The following PARD3B variants were observed in gnomAD, a reference collection of about 807,000 sequenced individuals.
The protein encoded by PARD3B is partitioning defective 3 homolog B.
PARD3B carries 103 observed loss-of-function variants against 130.2 expected under a neutral mutation model. That is an observed-to-expected ratio of 0.79 (90% CI 0.67 to 0.93). PARD3B has a LOEUF of 0.93. Ranked by LOEUF, PARD3B falls within the 40% of genes least tolerant of loss-of-function variation. PARD3B has a pLI of 0.00. For synonymous variants in PARD3B, 583 were observed against 553.2 expected (o/e 1.05, Z -0.76); for missense variants, 1,609 against 1,499.2 (o/e 1.07, Z -1.21).
At chr2:205,016,478 A>G (rs967519969) in intron 3 of PARD3B, among the ~76,000 whole-genome samples, 1 of 152,192 alleles carries the variant, frequency 6.6e-6, no homozygotes, top group African/African-American at 2.4e-5. Context: ...CTTTGGACAC[A>G]TTCATGGCTT....
intron 18 of PARD3B, among the ~76,000 whole-genome samples, chr2:205,400,420 C>T (rs2046207100): frequency 6.6e-6 from 1 of 152,072 alleles, no homozygotes; most frequent in Non-Finnish European, 1.5e-5. Context: ...GTGGGCAGAT[C>T]ACTTGGGGCC....
intron 10 of PARD3B, among the ~76,000 whole-genome samples, chr2:205,136,820 A>AAGGTATCAACCT (rs1559474930): frequency 2.0e-5 from 3 of 152,202 alleles, no homozygotes; most frequent in Non-Finnish European, 2.9e-5. Context: ...GTTCAGAAGA[A>AAGGTATCAACCT]TTGCCATCTT....
At chr2:204,870,961 CATA>C (rs1254005062) in intron 2 of PARD3B, among the ~76,000 whole-genome samples, 1 of 152,048 alleles carries the variant, frequency 6.6e-6, no homozygotes, top group Admixed American at 6.6e-5. Context: ...ATTTTTAAAA[CATA>C]ATAAAAGATT....
intron 19 of PARD3B, among the ~76,000 whole-genome samples, chr2:205,410,138 G>T (rs2046548302): frequency 6.6e-6 from 1 of 152,128 alleles, no homozygotes; most frequent in Non-Finnish European, 1.5e-5. Context: ...TTTGCATTAT[G>T]TTTACCAGTT....
Position 205,301,609 on chromosome 2 carries a change from G to A in PARD3B, c.2538G>A (p.Lys846=). 6.2e-7 allele frequency: 1 copy of A among 1,613,664 alleles called. No individual in the cohort carries two copies. Among genetic ancestry groups the A allele is most frequent in the Non-Finnish European group, 8.5e-7 (1 of 1,179,764 alleles). The change falls in exon 18 of 23, where the codon AAG becomes AAA. Residue 846 remains lysine (K), a synonymous_variant. Transcript: ENST00000406610. The surrounding 1 kb of genome is among the most constrained non-coding windows in gnomAD (Gnocchi z 5.2). ...AAGAGAAGGAGAAGAAAAAGGAAAA[G>A]GGCAAATTGAAAGTCAAGGAGAAAA... The part of the protein sequence containing the change: ...KTKEKEKKKE[K]GKLKVKEKKR...
At chr2:205,415,014 T>G (rs2046727384) in intron 19 of PARD3B, among the ~76,000 whole-genome samples, 1 of 152,130 alleles carries the variant, frequency 6.6e-6, no homozygotes, top group Non-Finnish European at 1.5e-5. Flanking sequence ...ATAGTGGATG[T>G]AATAAGAAAG....
intron 18 of PARD3B, among the ~76,000 whole-genome samples, chr2:205,333,643 G>C (rs1367738374): frequency 6.6e-6 from 1 of 152,148 alleles, no homozygotes; most frequent in Admixed American, 6.5e-5. Context: ...TTGAGGGAAA[G>C]AATCTACAGC....
chr2:205,185,868 T>C lies in PARD3B; in HGVS notation c.2024+5T>C. 1.2e-6 allele frequency: 2 copies of C among 1,604,984 alleles called. No homozygotes were observed. Among genetic ancestry groups the C allele is most frequent in the Non-Finnish European group, 1.7e-6 (2 of 1,171,616 alleles). ...CCTCGAAGATTACAGCCACAGGTATTGATAAAATGATGTATCGTAAATGCT... is the reference window on the plus strand; with the variant it reads ...CCTCGAAGATTACAGCCACAGGTATCGATAAAATGATGTATCGTAAATGCT... On this transcript the variant is annotated splice_donor_5th_base_variant and intron_variant, in intron 14 of 22. Coordinates refer to ENST00000406610, the MANE Select transcript of PARD3B (RefSeq NM_001302769.2).
In PARD3B at chr2:205,269,527, AT is replaced by A. The variant is rs933906409; in HGVS notation, c.2185+23714del. Among the ~76,000 whole-genome samples, 8 of 151,584 alleles carry A rather than the reference AT, an allele frequency of 5.3e-5. No individual in the cohort carries two copies. Among genetic ancestry groups the A allele is most frequent in the East Asian group, 1.9e-4 (1 of 5,160 alleles). ...GAATTTATATTCAGGAATTTCACTG[AT>A]TTTTTTTTAAAGTTCCTTCAGGGGC... On this transcript the variant is annotated intron_variant, in intron 16 of 22. Coordinates refer to ENST00000406610, the MANE Select transcript of PARD3B (RefSeq NM_001302769.2). This position sits in a 1 kb window ranked among gnomAD's most constrained non-coding sequence, Gnocchi z 4.7.
chr2:204,759,346 C>G (rs929174994), intron 2 of PARD3B, among the ~76,000 whole-genome samples: 4 of 152,010 alleles, frequency 2.6e-5, no homozygotes, highest in African/African-American at 9.7e-5. Flanking sequence ...AAATCTCTTT[C>G]CATGGCGCAC....
At chr2:204,694,577 C>T (rs2037520711) in intron 2 of PARD3B, among the ~76,000 whole-genome samples, 1 of 152,032 alleles carries the variant, frequency 6.6e-6, no homozygotes, top group Admixed American at 6.6e-5. Flanking sequence ...TTCCACCAAA[C>T]TACGTTGTCT....
At chr2:204,850,940 G>A (rs1377575386) in intron 2 of PARD3B, among the ~76,000 whole-genome samples, 1 of 152,194 alleles carries the variant, frequency 6.6e-6, no homozygotes, top group African/African-American at 2.4e-5. Flanking sequence ...CCATCTGGTA[G>A]AGTAAGACAA....
chr2:204,553,537 GGTGTGT>G (rs36193401), intron 1 of PARD3B, among the ~76,000 whole-genome samples: 3 of 136,056 alleles, frequency 2.2e-5, no homozygotes, highest in South Asian at 4.7e-4. Context: ...GAATCTGTGG[GGTGTGT>G]GTGTGTGTGT....
chr2:204,775,316 CTG>C (rs1236525614), intron 2 of PARD3B, among the ~76,000 whole-genome samples: 1 of 152,108 alleles, frequency 6.6e-6, no homozygotes, highest in African/African-American at 2.4e-5. Flanking sequence ...TCAATGAAGT[CTG>C]TTATATTAAA....
Position 205,345,625 on chromosome 2 carries a change from A to G in PARD3B, c.2630+43924A>G, listed in dbSNP as rs534614911. On this transcript the variant is annotated intron_variant, in intron 18 of 22. Transcript: ENST00000406610. ...GCTGCTAAGTTCACCCCCTTTCCCT[A>G]TCTCCTCATGACCCTAGAGAATTTG... is the stretch of plus-strand genomic sequence containing the variant. Among the ~76,000 whole-genome samples, 82 of 151,354 alleles carry G rather than the reference A, an allele frequency of 5.4e-4. No homozygotes were observed. In the South Asian group the frequency reaches 7.6e-3, roughly 14 times the overall value.
chr2:205,334,734 G>A (rs2105786344), intron 18 of PARD3B, among the ~76,000 whole-genome samples: 1 of 152,274 alleles, frequency 6.6e-6, no homozygotes, highest in South Asian at 2.1e-4. Flanking sequence ...GTGGAAAGGA[G>A]GCATTCTGAT....
rs1691673286 is a variant in PARD3B at position 204,971,234 on chromosome 2, T to C, written c.394+5911T>C. 2.6e-5 allele frequency among the ~76,000 whole-genome samples: 4 copies of C among 152,232 alleles called. No individual in the cohort carries two copies. In the South Asian group the frequency reaches 8.3e-4, roughly 31 times the overall value. On this transcript the variant is annotated intron_variant, in intron 3 of 22. Transcript: ENST00000406610. ...TAAAGAAAGGGGAAGTTTATTCCTT[T>C]AATTAGGCTGCTGTGTGTAAGTAGC... is the stretch of plus-strand genomic sequence containing the variant.
At chr2:204,657,912 G>A (rs928555122) in intron 1 of PARD3B, among the ~76,000 whole-genome samples, 2 of 152,062 alleles carry the variant, frequency 1.3e-5, no homozygotes, top group African/African-American at 4.8e-5. Context: ...TTAGTAATAT[G>A]TATACACATT....
rs1020842356 is a variant in PARD3B, at chr2:205,291,256, C to T, written c.2186-9274C>T. Among the ~76,000 whole-genome samples the T allele has an allele frequency of 1.2e-4, 19 of 152,184 alleles. No homozygotes were observed. The highest frequency in any genetic ancestry group is 6.2e-4 in the South Asian group (3 of 4,824). ...AAACAAACAAAAAAAGCAACAGCAA[C>T]GACAAAAAACACCAACACCACCAAC... On this transcript the variant is annotated intron_variant, in intron 16 of 22. Coordinates refer to ENST00000406610, the MANE Select transcript of PARD3B (RefSeq NM_001302769.2). The surrounding 1 kb of genome is among the most constrained non-coding windows in gnomAD (Gnocchi z 4.6).
Sources: allele counts gnomAD v4.1 joint callset (sites outside exome capture counted in the v4.1 genomes callset), GRCh38; gene constraint gnomAD v4.1.1; non-coding constraint Gnocchi (gnomAD v3.1); transcripts MANE v1.5; gene names NCBI Gene and HGNC (gene_info 2026-07-23, HGNC 2026-07-21).